PCOLCE2: variants seen among roughly 807,000 people sequenced by gnomAD.
PCOLCE2 encodes procollagen C-proteinase enhancer 2.
Under a neutral mutation model 47.0 loss-of-function variants are expected in PCOLCE2, and 42 were observed. The observed-to-expected ratio is 0.89, with a 90% CI of 0.70 to 1.16. PCOLCE2 has a LOEUF of 1.16. PCOLCE2 is among the 50% of genes most tolerant of loss of function. The pLI, the probability that PCOLCE2 is intolerant of heterozygous loss-of-function variation, is 0.00. For missense variants in PCOLCE2, 500 were observed against 526.1 expected, an observed-to-expected ratio of 0.95 and a Z score of 0.49; for synonymous variants, 169 against 191.7, an observed-to-expected ratio of 0.88 and a Z score of 0.98.
intron 2 of PCOLCE2, among the ~76,000 whole-genome samples, chr3:142,852,842 T>C (rs1203844836): frequency 6.6e-6 from 1 of 151,546 alleles, no homozygotes; most frequent in Non-Finnish European, 1.5e-5. Flanking sequence ...GCCAGGCTCA[T>C]GCTTGTAATC....
intron 7 of PCOLCE2, among the ~76,000 whole-genome samples, chr3:142,822,325 G>A (rs920988317): frequency 1.3e-5 from 2 of 151,986 alleles, no homozygotes; most frequent in African/African-American, 4.8e-5. Context: ...CACTCCCCAG[G>A]GGAGCATTAT....
intron 2 of PCOLCE2, among the ~76,000 whole-genome samples, chr3:142,864,989 A>G (rs2108205441): frequency 6.6e-6 from 1 of 152,258 alleles, no homozygotes; most frequent in African/African-American, 2.4e-5. Flanking sequence ...ATGTGGATGT[A>G]TTTTCATTTC....
chr3:142,842,456 G>A lies in PCOLCE2; in HGVS notation c.573+468C>T, dbSNP rs1371917905. Among the ~76,000 whole-genome samples, 1 of 152,190 alleles carries A rather than the reference G, an allele frequency of 6.6e-6. No individual in the cohort carries two copies. The highest frequency in any genetic ancestry group is 2.4e-5 in the African/African-American group (1 of 41,446). ...GCAACTCAAAAAAATGCAAAGGCTA[G>A]GCCGGGCACGGTGGCTCACATCTGT... On this transcript the variant is annotated intron_variant, in intron 4 of 8. Transcript: ENST00000295992. The surrounding 1 kb of genome is among the most constrained non-coding windows in gnomAD (Gnocchi z 4.1).
At chr3:142,873,836 A>C (rs184303453) in intron 2 of PCOLCE2, among the ~76,000 whole-genome samples, 1 of 152,338 alleles carries the variant, frequency 6.6e-6, no homozygotes, top group Non-Finnish European at 1.5e-5. Flanking sequence ...GCAACTAGAG[A>C]CATAGCAGGG....
In PCOLCE2 at chr3:142,888,585, G is replaced by C. The variant is rs1222367935; in HGVS notation, c.83+229C>G. ...GGCCAAGCCAGCTGCAGGGCCATCCGGCAGGCCGGGCTGGGGACCCAGGAG... is the reference window on the plus strand; with the variant it reads ...GGCCAAGCCAGCTGCAGGGCCATCCCGCAGGCCGGGCTGGGGACCCAGGAG... On this transcript the variant is annotated intron_variant, in intron 1 of 8. Transcript: ENST00000295992. The C allele has an allele frequency of 1.2e-5, 5 of 407,480 alleles. No homozygotes were observed. In the South Asian group the frequency reaches 3.6e-4, roughly 30 times the overall value. The allele number at this position is 407,480 out of a possible 1,614,324, so 25.2% of individuals were successfully genotyped here.
chr3:142,840,108 G>A (rs1937250009), intron 4 of PCOLCE2, among the ~76,000 whole-genome samples: 1 of 152,182 alleles, frequency 6.6e-6, no homozygotes, highest in African/African-American at 2.4e-5. Flanking sequence ...AAGTGGAATT[G>A]ATGGCAGTGT....
intron 6 of PCOLCE2, chr3:142,826,972 T>A: frequency 1.8e-6 from 1 of 548,942 alleles, no homozygotes; most frequent in Non-Finnish European, 3.2e-6. Flanking sequence ...TCCGCGCCTC[T>A]CCTCCTCCTG....
intron 2 of PCOLCE2, among the ~76,000 whole-genome samples, chr3:142,880,893 A>C (rs892578101): frequency 2.6e-5 from 4 of 152,244 alleles, no homozygotes; most frequent in African/African-American, 9.6e-5. Flanking sequence ...AAAACGGGTC[A>C]TACTCTTTGC....
chr3:142,859,626 C>T (rs1186622993), intron 2 of PCOLCE2, among the ~76,000 whole-genome samples: 1 of 150,932 alleles, frequency 6.6e-6, no homozygotes, highest in South Asian at 2.1e-4. Context: ...AGTACAGTGG[C>T]GTGATATCGG....
At chr3:142,858,570 G>T (rs372192949) in intron 2 of PCOLCE2, among the ~76,000 whole-genome samples, 5 of 152,164 alleles carry the variant, frequency 3.3e-5, no homozygotes, top group African/African-American at 1.2e-4. Context: ...AAACTCCAAG[G>T]GTTCATGTGA....
chr3:142,875,163 C>T (rs1368823867), intron 2 of PCOLCE2, among the ~76,000 whole-genome samples: 1 of 152,136 alleles, frequency 6.6e-6, no homozygotes, highest in African/African-American at 2.4e-5. Flanking sequence ...CTGCCTGGCT[C>T]CTAATGATCC....
In PCOLCE2 at chr3:142,846,455, C is replaced by A. The variant is rs937485371; in HGVS notation, c.448+1762G>T. ...TCTCAGGTGATCTGCCTGCCTTGGC[C>A]TCCCAAAGTGCTGGGATTACAGGCA... On this transcript the variant is annotated intron_variant, in intron 3 of 8. Coordinates refer to ENST00000295992, the MANE Select transcript of PCOLCE2 (RefSeq NM_013363.4). 1.7e-4 allele frequency among the ~76,000 whole-genome samples: 26 copies of A among 152,208 alleles called. 1 individual carries two copies.
At chr3:142,871,907 C>T (rs1245125109) in intron 2 of PCOLCE2, among the ~76,000 whole-genome samples, 2 of 152,132 alleles carry the variant, frequency 1.3e-5, no homozygotes, top group Non-Finnish European at 2.9e-5. Context: ...ATTGGTTCTA[C>T]TTCTGGAGAA....
chr3:142,846,462 AG>A lies in PCOLCE2; in HGVS notation c.448+1754del, dbSNP rs1216266977. Among the ~76,000 whole-genome samples the A allele has an allele frequency of 1.7e-4, 26 of 152,128 alleles. 1 individual carries two copies. On this transcript the variant is annotated intron_variant, in intron 3 of 8. Transcript: ENST00000295992. ...TGATCTGCCTGCCTTGGCCTCCCAA[AG>A]TGCTGGGATTACAGGCATGAGCCAC...
intron 7 of PCOLCE2, among the ~76,000 whole-genome samples, chr3:142,822,271 GTTA>G (rs1202663574): frequency 7.9e-5 from 12 of 151,998 alleles, no homozygotes; most frequent in African/African-American, 2.9e-4. Flanking sequence ...GCAGTTCCTA[GTTA>G]TTGTGACAAC....
intron 6 of PCOLCE2, chr3:142,827,310 G>A (rs1312067975): frequency 1.5e-6 from 2 of 1,346,790 alleles, no homozygotes; most frequent in Admixed American, 3.4e-5. Flanking sequence ...TTATATTTGT[G>A]GTAGGCTTGG....
intron 2 of PCOLCE2, 195 bp downstream of exon 2, chr3:142,887,474 G>A (rs1263046922): frequency 7.8e-6 from 4 of 514,032 alleles, no homozygotes; most frequent in African/African-American, 7.7e-5. Context: ...TGTGCCCTTT[G>A]TAATCACTAA....
chr3:142,870,726 T>A (rs1357015305), intron 2 of PCOLCE2, among the ~76,000 whole-genome samples: 6 of 151,110 alleles, frequency 4.0e-5, no homozygotes, highest in Non-Finnish European at 7.4e-5. Flanking sequence ...TTTTTTTTTT[T>A]ACTATATACT....
chr3:142,871,591 C>T (rs954237183), intron 2 of PCOLCE2, among the ~76,000 whole-genome samples: 2 of 152,144 alleles, frequency 1.3e-5, no homozygotes, highest in Non-Finnish European at 2.9e-5. Context: ...GTGGGTGGCC[C>T]TCATCCAATC....
Sources: allele counts gnomAD v4.1 joint callset (sites outside exome capture counted in the v4.1 genomes callset), GRCh38; gene constraint gnomAD v4.1.1; non-coding constraint Gnocchi (gnomAD v3.1); transcripts MANE v1.5; gene names NCBI Gene and HGNC (gene_info 2026-07-23, HGNC 2026-07-21).